Variants in RGS3 observed in about 807,000 individuals in gnomAD.
The protein encoded by RGS3 is regulator of G-protein signalling 3.
A neutral mutation model predicts 132.6 loss-of-function variants in RGS3; 80 were observed. The observed-to-expected ratio is 0.60, with a 90% CI of 0.50 to 0.73. RGS3 has a LOEUF of 0.73. RGS3 is among the 30% of genes least tolerant of loss of function. The pLI is 0.00. For synonymous variants in RGS3, 598 were observed against 620.6 expected (o/e 0.96, Z 0.54); for missense variants, 1,382 against 1,530.8 (o/e 0.90, Z 1.62).
chr9:113,484,722 A>G (rs980528933), intron 6 of RGS3, among the ~76,000 whole-genome samples: 1 of 152,224 alleles, frequency 6.6e-6, no homozygotes, highest in Non-Finnish European at 1.5e-5. Context: ...GGGACAGTAT[A>G]ACATAACACA....
At chr9:113,460,155 C>T (rs2119156323), upstream of RGS3, 1 of 1,084,086 alleles carries the variant, frequency 9.2e-7, no homozygotes, top group Non-Finnish European at 1.1e-6. Flanking sequence ...TTTTCAGAGA[C>T]AAGGCTTTGG....
At chr9:113,527,524 A>ACTCC (rs1178639462) in intron 17 of RGS3, among the ~76,000 whole-genome samples, 1 of 151,768 alleles carries the variant, frequency 6.6e-6, no homozygotes, top group East Asian at 1.9e-4. Context: ...CTTAGGCAGG[A>ACTCC]CTCCCTCCCT....
At chr9:113,573,079 G>A (rs1170306892) in intron 19 of RGS3, among the ~76,000 whole-genome samples, 1 of 152,214 alleles carries the variant, frequency 6.6e-6, no homozygotes, top group Non-Finnish European at 1.5e-5. Flanking sequence ...CCTCCCCACA[G>A]AGCTGTGATG....
At chr9:113,482,784 G>C (rs535009981) in intron 4 of RGS3, among the ~76,000 whole-genome samples, 150 of 152,292 alleles carry the variant, frequency 9.8e-4, no homozygotes, top group African/African-American at 3.4e-3. Context: ...TAAGATTCAG[G>C]GAATTGAATG....
chr9:113,564,382 G>A (rs999076017), intron 19 of RGS3, among the ~76,000 whole-genome samples: 1 of 152,208 alleles, frequency 6.6e-6, no homozygotes, highest in African/African-American at 2.4e-5. Flanking sequence ...CGGAGTTCAT[G>A]CTCAAGAAAG....
At chr9:113,502,074 A>G (rs1043061055) in intron 10 of RGS3, among the ~76,000 whole-genome samples, 5 of 152,156 alleles carry the variant, frequency 3.3e-5, no homozygotes, top group Non-Finnish European at 7.3e-5. Flanking sequence ...ATATGTACAT[A>G]TGTATAACTT....
Position 113,591,529 on chromosome 9 carries a change from G to A in RGS3, c.3080+132G>A. 1 of 775,716 alleles carries A rather than the reference G, an allele frequency of 1.3e-6. No homozygotes were observed. Among genetic ancestry groups the A allele is most frequent in the Non-Finnish European group, 2.2e-6 (1 of 451,846 alleles). 48.1% of individuals were successfully genotyped at this position (775,716 alleles called of 1,614,324 possible). The stretch of plus-strand genomic sequence containing the variant: ...GCCCACAACCCCAGACAGACACCAA[G>A]GAAAAACTGGATCTTGGAACTTTGC... On this transcript the variant is annotated intron_variant, in intron 21 of 24. Transcript: ENST00000350696. The surrounding 1 kb of genome is among the most constrained non-coding windows in gnomAD (Gnocchi z 4.4).
At chr9:113,483,566 G>C (rs1443452641) in intron 5 of RGS3, among the ~76,000 whole-genome samples, 1 of 152,166 alleles carries the variant, frequency 6.6e-6, no homozygotes, top group East Asian at 1.9e-4. Flanking sequence ...TATAGGGGTG[G>C]GGCTCTACTT....
At chr9:113,469,225 C>T (rs1037956591) in intron 3 of RGS3, among the ~76,000 whole-genome samples, 66 of 151,982 alleles carry the variant, frequency 4.3e-4, no homozygotes, top group African/African-American at 1.5e-3. Context: ...GGGCAGTGCA[C>T]GGTCAGGCCC....
At chr9:113,465,675 T>C (rs1483344292) in intron 3 of RGS3, among the ~76,000 whole-genome samples, 1 of 152,174 alleles carries the variant, frequency 6.6e-6, no homozygotes, top group African/African-American at 2.4e-5. Context: ...GGAGTGGATC[T>C]TCCTGCCCAG....
At chr9:113,584,233 A>G in exon 20 of RGS3, 1 of 1,611,304 alleles carries the variant, frequency 6.2e-7, no homozygotes. Flanking sequence ...GCGGCGCCGG[A>G]CGCACAGCGA....
rs907477245 is a variant in RGS3, at chr9:113,463,766, G to A, written c.415+1565G>A. Reference sequence around the variant, plus strand: ...CTGGGGAGCAACACAGCCGCCTCGGGTTGCAGACGCTCCTGTCCGGGTCGC... The same window carrying A: ...CTGGGGAGCAACACAGCCGCCTCGGATTGCAGACGCTCCTGTCCGGGTCGC... On this transcript the variant is annotated intron_variant, in intron 3 of 24. Coordinates refer to ENST00000350696, the Ensembl canonical transcript of RGS3. This position sits in a 1 kb window ranked among gnomAD's most constrained non-coding sequence, Gnocchi z 4.6. 1.3e-6 allele frequency: 2 copies of A among 1,581,492 alleles called. No homozygotes were observed. Among genetic ancestry groups the A allele is most frequent in the African/African-American group, 2.7e-5 (2 of 73,528 alleles).
chr9:113,514,658 A>C lies in RGS3; in HGVS notation c.1674+4A>C. 8 of 1,612,854 alleles carry C rather than the reference A, an allele frequency of 5.0e-6. No homozygotes were observed. The highest frequency in any genetic ancestry group is 6.8e-6 in the Non-Finnish European group (8 of 1,179,796). ...GGTGTTCCCTGTCTTTGTTCAGGTG[A>C]GCCCGTGGCTGGTCTTAAAGGTTCC... On this transcript the variant is annotated splice_donor_region_variant and intron_variant, in intron 15 of 24. Transcript: ENST00000350696.
At chr9:113,512,473 G>A (rs1450638139) in intron 14 of RGS3, among the ~76,000 whole-genome samples, 1 of 152,162 alleles carries the variant, frequency 6.6e-6, no homozygotes, top group Non-Finnish European at 1.5e-5. Context: ...TCTATGATCA[G>A]TGGTCACTTG....
intron 23 of RGS3, 89 bp downstream of exon 21, chr9:113,595,069 GGCC>G: frequency 2.3e-6 from 3 of 1,286,254 alleles, no homozygotes; most frequent in Non-Finnish European, 2.2e-6. Flanking sequence ...GTGCTAGAGA[GGCC>G]GCCTTCCCTC....
At position 113,483,133 on chromosome 9, in the gene RGS3, G is replaced by A. The variant is rs755809287; in HGVS notation, c.525+16G>A. On this transcript the variant is annotated intron_variant, in intron 5 of 24. Transcript: ENST00000350696. ...GTATGTGAAGGTATGTGGTGGGGCC[G>A]GAGATGGAGAGTGGGATATTGAGGG... 2.7e-5 allele frequency: 42 copies of A among 1,561,912 alleles called. No homozygotes were observed. Among genetic ancestry groups the A allele is most frequent in the East Asian group, 6.7e-5 (3 of 44,640 alleles).
At chr9:113,587,829 T>TG (rs1357342961) in intron 20 of RGS3, among the ~76,000 whole-genome samples, 1 of 152,182 alleles carries the variant, frequency 6.6e-6, no homozygotes, top group Admixed American at 6.5e-5. Context: ...CTCCCCGCCA[T>TG]GGTTCTCCAG....
chr9:113,487,481 TA>T (rs1293971592), intron 7 of RGS3, among the ~76,000 whole-genome samples: 1 of 152,160 alleles, frequency 6.6e-6, no homozygotes. Context: ...AAGAGGAAAC[TA>T]AAGTTTAGAG....
In RGS3 at chr9:113,522,971, G is replaced by A. The variant is rs778267482; in HGVS notation, c.1800G>A (p.Lys600=). ...ATTCGGACCTGCTGCTCTTCACCAAGGAGGACGAGCCTGGCCGCTGCGACG... is the reference window on the plus strand; with the variant it reads ...ATTCGGACCTGCTGCTCTTCACCAAAGAGGACGAGCCTGGCCGCTGCGACG... The change falls in exon 17 of 25, where the codon AAG becomes AAA. Residue 600 remains lysine (K), a synonymous_variant. Transcript: ENST00000350696. 14 of 1,613,998 alleles carry A rather than the reference G, an allele frequency of 8.7e-6. No individual in the cohort carries two copies. The Admixed American group carries it at 1.7e-4, about 19-fold the overall frequency.
Sources: gnomAD v4.1 joint callset for allele counts (sites outside exome capture counted in the v4.1 genomes callset) on GRCh38, gnomAD v4.1.1 for gene constraint, Gnocchi (gnomAD v3.1) non-coding constraint, MANE v1.5 for transcripts, NCBI Gene and HGNC (gene_info 2026-07-23, HGNC 2026-07-21) for gene names.